BTD: variants seen among roughly 807,000 people sequenced by gnomAD.
BTD encodes the protein biotinidase.
In BTD, 13 loss-of-function variants were observed where a neutral mutation model predicts 17.7. The ratio of observed to expected loss-of-function variants is 0.74; its 90% CI spans 0.48 to 1.17. The LOEUF is 1.17. BTD is among the 50% of genes most tolerant of loss of function. The probability of loss-of-function intolerance (pLI) is 0.00; values close to 1 mark genes in which losing one functional copy is unlikely to be tolerated. For synonymous variants in BTD, 240 were observed against 245.2 expected, an observed-to-expected ratio of 0.98 and a Z score of 0.20; for missense variants, 674 against 650.4, an observed-to-expected ratio of 1.04 and a Z score of -0.39.
rs2065756241 is a variant in BTD, at chr3:15,649,084, C to T, written c.*3596C>T. Among the ~76,000 whole-genome samples the T allele has an allele frequency of 6.6e-6, 1 of 152,216 alleles. No individual in the cohort carries two copies. Among genetic ancestry groups the T allele is most frequent in the Non-Finnish European group, 1.5e-5 (1 of 68,042 alleles). On this transcript the variant is annotated 3_prime_UTR_variant, in exon 4 of 4. Transcript: ENST00000643237. ...ATAAGTTTCTGTTGTTTGAAGCCAC[C>T]CAGTTCAGGGTACTTTGATATGGCA... is the stretch of plus-strand genomic sequence containing the variant.
At chr3:15,709,852 G>A (rs1025812767) in intron 3 of BTD, 7 of 604,740 alleles carry the variant, frequency 1.2e-5, no homozygotes, top group Middle Eastern at 2.8e-4. Context: ...TGACAAAAAT[G>A]ATGATTTACA....
intron 3 of BTD, among the ~76,000 whole-genome samples, chr3:15,703,174 G>C (rs1007433533): frequency 3.3e-5 from 5 of 151,938 alleles, no homozygotes; most frequent in Non-Finnish European, 7.4e-5. Context: ...GATTGATTTT[G>C]GTAATAAAAA....
rs145847572 is a variant in BTD, at chr3:15,651,423, G to A, written c.*5935G>A. Among the ~76,000 whole-genome samples, 49 of 152,294 alleles carry A rather than the reference G, an allele frequency of 3.2e-4. No individual in the cohort carries two copies. The East Asian group carries it at 5.6e-3, about 17-fold the overall frequency. On this transcript the variant is annotated 3_prime_UTR_variant, in exon 4 of 4. Transcript: ENST00000643237. ...TGTAGGGGAACCCAGAAAGGATAAT[G>A]CACTACCCAGCGGCCAGCGACAGCA... is the stretch of plus-strand genomic sequence containing the variant.
chr3:15,663,378 A>C (rs185036867), intron 3 of BTD, among the ~76,000 whole-genome samples: 1 of 152,194 alleles, frequency 6.6e-6, no homozygotes, highest in South Asian at 2.1e-4. Flanking sequence ...TTCTGCTTCT[A>C]TCTCTGGAAA....
rs397514369 is a variant in BTD, at chr3:15,644,413, G to A, written c.497G>A (p.Cys166Tyr). ...KEPCHSSDPR[C>Y]PKDGRYQFNT... ...CCTTGTCATAGCAGTGACCCAAGGT[G>A]CCCAAAAGATGGGAGATACCAGTTC... Residue 166 changes from cysteine to tyrosine, a missense_variant, in exon 4 of 4, where the codon TGC (cysteine) becomes TAC (tyrosine). Coordinates refer to ENST00000643237, the MANE Select transcript of BTD (RefSeq NM_001370658.1). 9.3e-6 allele frequency: 15 copies of A among 1,614,116 alleles called. 1 individual carries two copies. The highest frequency in any genetic ancestry group is 1.6e-4 in the Middle Eastern group (1 of 6,062).
intron 1 of BTD, among the ~76,000 whole-genome samples, chr3:15,613,989 T>C (rs11717801): frequency 6.6e-6 from 1 of 152,054 alleles, no homozygotes; most frequent in Non-Finnish European, 1.5e-5. Flanking sequence ...CTTTATGTTG[T>C]GTATAGATTT....
At chr3:15,624,353 A>G (rs2065020674) in intron 1 of BTD, among the ~76,000 whole-genome samples, 1 of 151,940 alleles carries the variant, frequency 6.6e-6, no homozygotes. Context: ...TTCCCATTGT[A>G]CATATTTATA....
At chr3:15,628,129 C>G (rs2065112496) in intron 1 of BTD, among the ~76,000 whole-genome samples, 1 of 152,234 alleles carries the variant, frequency 6.6e-6, no homozygotes, top group Admixed American at 6.5e-5. Flanking sequence ...ATTTTTCACT[C>G]CTGAGTACTG....
chr3:15,659,089 A>G (rs1420477189), intron 3 of BTD, among the ~76,000 whole-genome samples: 3 of 152,218 alleles, frequency 2.0e-5, no homozygotes, highest in Non-Finnish European at 4.4e-5. Flanking sequence ...AGGACCTAGT[A>G]CATTCTCAGT....
intron 3 of BTD, among the ~76,000 whole-genome samples, chr3:15,682,843 A>G (rs1020063549): frequency 2.6e-5 from 4 of 152,230 alleles, no homozygotes; most frequent in Admixed American, 2.0e-4. Context: ...CGCTTATTGC[A>G]TATAGCCAAC....
At chr3:15,703,249 C>A (rs1260861626) in intron 3 of BTD, among the ~76,000 whole-genome samples, 1 of 152,194 alleles carries the variant, frequency 6.6e-6, no homozygotes, top group Non-Finnish European at 1.5e-5. Context: ...ACTGCATGAT[C>A]CCATTTTTAT....
At chr3:15,720,814 A>C (rs1475700772) in intron 4 of BTD, 5 of 1,033,680 alleles carry the variant, frequency 4.8e-6, no homozygotes, top group Non-Finnish European at 7.0e-6. Flanking sequence ...CATGTTCTTG[A>C]GTTTATCAAT....
intron 1 of BTD, among the ~76,000 whole-genome samples, chr3:15,628,110 T>TC (rs1482368039): frequency 1.3e-5 from 2 of 152,250 alleles, no homozygotes; most frequent in Admixed American, 1.3e-4. Flanking sequence ...CCTGAGCATC[T>TC]CCATCTGCAT....
chr3:15,609,365 C>A (rs890933090), intron 1 of BTD, among the ~76,000 whole-genome samples: 2 of 152,144 alleles, frequency 1.3e-5, no homozygotes, highest in African/African-American at 4.8e-5. Flanking sequence ...GTTTGTAGTT[C>A]CCACATTATC....
chr3:15,692,241 A>T (rs1473355381), intron 3 of BTD, among the ~76,000 whole-genome samples: 1 of 151,998 alleles, frequency 6.6e-6, no homozygotes, highest in African/African-American at 2.4e-5. Flanking sequence ...ACTTGAGGCC[A>T]GGAGTTTGAG....
chr3:15,676,761 A>G (rs2066981756), intron 3 of BTD: 1 of 413,252 alleles, frequency 2.4e-6, no homozygotes, highest in Non-Finnish European at 4.3e-6. Flanking sequence ...ATTATTGTCA[A>G]TGTTATAATA....
chr3:15,639,799 G>A (rs919727830), intron 2 of BTD, among the ~76,000 whole-genome samples: 1 of 152,182 alleles, frequency 6.6e-6, no homozygotes, highest in Non-Finnish European at 1.5e-5. Flanking sequence ...TTGGCAGTGT[G>A]TGTTAAGAAC....
intron 3 of BTD, chr3:15,696,058 C>G (rs997704298): frequency 1.0e-6 from 1 of 980,356 alleles, no homozygotes; most frequent in Non-Finnish European, 1.5e-6. Context: ...TTCCTTGATC[C>G]ATTTATTCTC....
downstream of BTD, among the ~76,000 whole-genome samples, chr3:15,658,167 T>TAA (rs72190740): frequency 0.11 from 14,327 of 129,974 alleles, 998 homozygotes; most frequent in East Asian, 0.41. Context: ...AGACTCCATC[T>TAA]AAAAAAAAAA....
Sources: allele counts gnomAD v4.1 joint callset (sites outside exome capture counted in the v4.1 genomes callset), GRCh38; gene constraint gnomAD v4.1.1; transcripts MANE v1.5; gene names NCBI Gene and HGNC (gene_info 2026-07-23, HGNC 2026-07-21).